The following CCSER1 variants were observed in gnomAD, a reference collection of about 807,000 sequenced individuals.
The protein encoded by CCSER1 is coiled-coil serine rich protein 1, also known as serine-rich coiled-coil domain-containing protein 1.
In CCSER1, 41 loss-of-function variants were observed where a neutral mutation model predicts 82.0. That is an observed-to-expected ratio of 0.50 (90% CI 0.39 to 0.65). The LOEUF is 0.65. Among genes scored for constraint, CCSER1 ranks in the 30% least tolerant of loss-of-function variants. The probability of loss-of-function intolerance (pLI) is 0.00; values close to 1 mark genes in which losing one functional copy is unlikely to be tolerated. For synonymous variants in CCSER1, 414 were observed against 383.9 expected, an observed-to-expected ratio of 1.08 and a Z score of -0.92; for missense variants, 1,119 against 1,064.2, an observed-to-expected ratio of 1.05 and a Z score of -0.72.
At chr4:91,564,223 C>T (rs1054359741) in intron 10 of CCSER1, among the ~76,000 whole-genome samples, 2 of 151,784 alleles carry the variant, frequency 1.3e-5, no homozygotes, top group African/African-American at 2.4e-5. Context: ...GACATAATCT[C>T]GTTCTTTTTT....
At chr4:90,418,256 C>T (rs1003654168) in intron 4 of CCSER1, among the ~76,000 whole-genome samples, 3 of 151,922 alleles carry the variant, frequency 2.0e-5, no homozygotes, top group Non-Finnish European at 4.4e-5. Flanking sequence ...CTGCTAATAC[C>T]ATTTTAAAAA....
chr4:90,800,070 C>T lies in CCSER1; in HGVS notation c.2011-15692C>T, dbSNP rs11942944. On this transcript the variant is annotated intron_variant, in intron 7 of 10. Coordinates refer to ENST00000509176, the MANE Select transcript of CCSER1 (RefSeq NM_001145065.2). ...CTCTTGGTGCCTTCCCTCTGAAGGC[C>T]TGTTAGGAGCATGCCAGTCATCTTG... Among the ~76,000 whole-genome samples, 696 of 152,250 alleles carry T rather than the reference C, an allele frequency of 4.6e-3. 5 individuals are homozygous for T. Among genetic ancestry groups the T allele is most frequent in the African/African-American group, 0.016 (671 of 41,540 alleles).
At chr4:90,814,055 C>T (rs1332027738) in intron 7 of CCSER1, among the ~76,000 whole-genome samples, 1 of 152,220 alleles carries the variant, frequency 6.6e-6, no homozygotes, top group Admixed American at 6.5e-5. Flanking sequence ...GGCAGAGGTT[C>T]CCAAACCTCA....
At chr4:90,797,222 T>A (rs1442263877) in intron 7 of CCSER1, among the ~76,000 whole-genome samples, 2 of 152,234 alleles carry the variant, frequency 1.3e-5, no homozygotes, top group African/African-American at 4.8e-5. Flanking sequence ...TATTGAACCC[T>A]TTACCATTAT....
chr4:91,158,421 T>G (rs1297869153), intron 10 of CCSER1, among the ~76,000 whole-genome samples: 1 of 152,004 alleles, frequency 6.6e-6, no homozygotes, highest in Non-Finnish European at 1.5e-5. Context: ...TTCAAATTTA[T>G]TCACTTTATC....
chr4:91,523,699 G>C (rs918047199), intron 10 of CCSER1, among the ~76,000 whole-genome samples: 1 of 152,014 alleles, frequency 6.6e-6, no homozygotes, highest in Non-Finnish European at 1.5e-5. Context: ...TAGTTTGTAT[G>C]TCTGTGGGAT....
At chr4:90,136,228 T>A (rs1266141051) in intron 1 of CCSER1, among the ~76,000 whole-genome samples, 3 of 152,148 alleles carry the variant, frequency 2.0e-5, no homozygotes, top group African/African-American at 7.2e-5. Flanking sequence ...GGAGCACTCT[T>A]GTAGGTCCTA....
intron 10 of CCSER1, among the ~76,000 whole-genome samples, chr4:91,093,045 T>C (rs1724131706): frequency 6.6e-6 from 1 of 152,184 alleles, no homozygotes; most frequent in South Asian, 2.1e-4. Flanking sequence ...TATACTTGAA[T>C]GGTTAGAAAG....
At chr4:91,045,296 G>A (rs867093380) in intron 9 of CCSER1, among the ~76,000 whole-genome samples, 4 of 152,100 alleles carry the variant, frequency 2.6e-5, no homozygotes, top group African/African-American at 7.2e-5. Flanking sequence ...ATGTGAAAAT[G>A]TTCTCTTGAT....
At chr4:90,487,010 CA>C (rs1767206914) in intron 5 of CCSER1, among the ~76,000 whole-genome samples, 1 of 152,168 alleles carries the variant, frequency 6.6e-6, no homozygotes. Context: ...CTCCTGGGTT[CA>C]AGCAATTCTC....
At chr4:90,416,432 C>T (rs1313252430) in intron 4 of CCSER1, among the ~76,000 whole-genome samples, 1 of 152,154 alleles carries the variant, frequency 6.6e-6, no homozygotes, top group African/African-American at 2.4e-5. Flanking sequence ...AGAATTCCAG[C>T]TCTGCCCACA....
chr4:90,648,055 G>A (rs573953003), intron 6 of CCSER1, among the ~76,000 whole-genome samples: 3 of 151,904 alleles, frequency 2.0e-5, no homozygotes, highest in African/African-American at 7.2e-5. Flanking sequence ...TTCACTATCT[G>A]CTTGAGCTTT....
intron 10 of CCSER1, among the ~76,000 whole-genome samples, chr4:91,431,140 G>C (rs1754278762): frequency 6.6e-6 from 1 of 152,104 alleles, no homozygotes; most frequent in African/African-American, 2.4e-5. Flanking sequence ...GCAGGCTGAG[G>C]CAGGAGAATG....
intron 10 of CCSER1, among the ~76,000 whole-genome samples, chr4:91,156,100 A>T (rs771706362): frequency 6.6e-6 from 1 of 151,838 alleles, no homozygotes; most frequent in Non-Finnish European, 1.5e-5. Flanking sequence ...ACTTGGGGAC[A>T]TAAGTATATA....
At chr4:91,234,250 TAAAC>T (rs1481200168) in intron 10 of CCSER1, among the ~76,000 whole-genome samples, 4 of 152,066 alleles carry the variant, frequency 2.6e-5, no homozygotes, top group African/African-American at 9.6e-5. Flanking sequence ...TTAGCTTTGA[TAAAC>T]AAGCATTGTA....
At chr4:90,563,344 T>C (rs961696198) in intron 5 of CCSER1, among the ~76,000 whole-genome samples, 1 of 151,662 alleles carries the variant, frequency 6.6e-6, no homozygotes, top group Non-Finnish European at 1.5e-5. Context: ...TCTCTTGACC[T>C]TGTGATTTGC....
At chr4:90,655,337 A>G (rs989237294) in intron 6 of CCSER1, among the ~76,000 whole-genome samples, 1 of 152,038 alleles carries the variant, frequency 6.6e-6, no homozygotes, top group African/African-American at 2.4e-5. Flanking sequence ...AAATTTCTGT[A>G]GCACATTTTG....
At chr4:91,017,668 G>T (rs1012555845) in intron 9 of CCSER1, among the ~76,000 whole-genome samples, 2 of 152,108 alleles carry the variant, frequency 1.3e-5, no homozygotes, top group African/African-American at 2.4e-5. Context: ...AAAGGAAGGT[G>T]CAGGAAATTC....
chr4:91,352,560 A>G (rs529716830), intron 10 of CCSER1, among the ~76,000 whole-genome samples: 14 of 152,328 alleles, frequency 9.2e-5, no homozygotes, highest in African/African-American at 3.4e-4. Flanking sequence ...TTTATTTGAA[A>G]AAGCACACAG....
Sources: gnomAD v4.1 joint callset for allele counts (sites outside exome capture counted in the v4.1 genomes callset) on GRCh38, gnomAD v4.1.1 for gene constraint, MANE v1.5 for transcripts, NCBI Gene and HGNC (gene_info 2026-07-23, HGNC 2026-07-21) for gene names.